The following GRM1 variants were observed in gnomAD, a reference collection of about 807,000 sequenced individuals.
GRM1 encodes metabotropic glutamate receptor 1.
GRM1 carries 33 observed loss-of-function variants against 90.9 expected under a neutral mutation model. The observed-to-expected ratio is 0.36, with a 90% CI of 0.28 to 0.49. GRM1 has a LOEUF of 0.49. Ranked by LOEUF, GRM1 falls within the 20% of genes least tolerant of loss-of-function variation. The probability of loss-of-function intolerance (pLI) is 0.99; values close to 1 mark genes in which losing one functional copy is unlikely to be tolerated. For synonymous variants in GRM1, 700 were observed against 613.2 expected, an observed-to-expected ratio of 1.14 and a Z score of -2.09; for missense variants, 1,190 against 1,534.3, an observed-to-expected ratio of 0.78 and a Z score of 3.75.
intron 2 of GRM1, among the ~76,000 whole-genome samples, chr6:146,223,240 G>C (rs759668169): frequency 5.9e-5 from 9 of 152,018 alleles, no homozygotes; most frequent in Non-Finnish European, 1.0e-4. Context: ...CTGCACCTTT[G>C]TACACACTTA....
intron 1 of GRM1, among the ~76,000 whole-genome samples, chr6:146,056,645 C>T (rs962366784): frequency 6.6e-6 from 1 of 152,056 alleles, no homozygotes; most frequent in Non-Finnish European, 1.5e-5. Flanking sequence ...GGATTTGTGC[C>T]AAGTGATATG....
chr6:146,165,959 C>T (rs1252848586), intron 2 of GRM1, among the ~76,000 whole-genome samples: 2 of 151,910 alleles, frequency 1.3e-5, no homozygotes, highest in Non-Finnish European at 2.9e-5. Flanking sequence ...TGAAAGATTC[C>T]ACTTTCATGG....
chr6:146,426,204 G>A (rs991404764), intron 7 of GRM1, among the ~76,000 whole-genome samples: 3 of 152,058 alleles, frequency 2.0e-5, no homozygotes, highest in Non-Finnish European at 2.9e-5. Flanking sequence ...GGAGTAGAGG[G>A]TGGGAAGAAT....
chr6:146,112,716 A>C (rs1342551276), intron 1 of GRM1, among the ~76,000 whole-genome samples: 1 of 152,154 alleles, frequency 6.6e-6, no homozygotes, highest in Admixed American at 6.6e-5. Flanking sequence ...ACTGATTTTT[A>C]AATTGTCTGC....
chr6:146,140,782 A>G (rs1776849385), intron 1 of GRM1, among the ~76,000 whole-genome samples: 1 of 152,112 alleles, frequency 6.6e-6, no homozygotes, highest in Non-Finnish European at 1.5e-5. Context: ...AGAAGTTTAA[A>G]ACCTTTTTGA....
intron 7 of GRM1, among the ~76,000 whole-genome samples, chr6:146,422,852 T>C (rs1778048622): frequency 6.6e-6 from 1 of 151,818 alleles, no homozygotes; most frequent in South Asian, 2.1e-4. Flanking sequence ...TGGGTAAAGT[T>C]ACGCAGAATC....
intron 1 of GRM1, among the ~76,000 whole-genome samples, chr6:146,120,216 G>T (rs1214988019): frequency 6.6e-5 from 10 of 152,146 alleles, no homozygotes; most frequent in African/African-American, 2.2e-4. Context: ...GTGAATGGGA[G>T]TTCACTCATG....
At chr6:146,189,458 C>T (rs971715172) in intron 2 of GRM1, among the ~76,000 whole-genome samples, 2 of 152,204 alleles carry the variant, frequency 1.3e-5, no homozygotes, top group Admixed American at 6.5e-5. Flanking sequence ...TTCTTCGACT[C>T]TCTTGCCTCT....
intron 5 of GRM1, among the ~76,000 whole-genome samples, chr6:146,381,216 A>G (rs1362013139): frequency 1.3e-5 from 2 of 152,168 alleles, no homozygotes; most frequent in East Asian, 1.9e-4. Context: ...TCCAATCCTT[A>G]TGATCTAGAC....
chr6:146,210,696 A>G (rs1779659223), intron 2 of GRM1, among the ~76,000 whole-genome samples: 1 of 152,178 alleles, frequency 6.6e-6, no homozygotes, highest in Admixed American at 6.5e-5. Flanking sequence ...GAGTCCGCCT[A>G]CTACCCCAAT....
rs531157681 is a variant in GRM1 at position 146,434,166 on chromosome 6, G to A, written c.2955G>A (p.Ala985=). The part of the protein sequence containing the change: ...SMVVHRRVPS[A]ATTPPLPSHL... ...TGGTGCACAGGCGCGTGCCAAGCGC[G>A]GCGACCACTCCGCCTCTGCCGTCCC... is the stretch of plus-strand genomic sequence containing the variant. The change falls in exon 8 of 8, where the codon GCG becomes GCA. Residue 985 remains alanine (A), a synonymous_variant. Coordinates refer to ENST00000282753, the MANE Select transcript of GRM1 (RefSeq NM_001278064.2). The A allele has an allele frequency of 1.2e-6, 2 of 1,613,566 alleles. No individual in the cohort carries two copies. Among genetic ancestry groups the A allele is most frequent in the African/African-American group, 2.7e-5 (2 of 74,922 alleles).
At chr6:146,129,017 T>C (rs763601722) in intron 1 of GRM1, among the ~76,000 whole-genome samples, 32 of 152,202 alleles carry the variant, frequency 2.1e-4, no homozygotes, top group Non-Finnish European at 4.0e-4. Context: ...GAATAAATAA[T>C]GATTTCGGTC....
At chr6:146,173,811 C>T (rs572176088) in intron 2 of GRM1, among the ~76,000 whole-genome samples, 16 of 151,930 alleles carry the variant, frequency 1.1e-4, no homozygotes, top group Non-Finnish European at 2.2e-4. Flanking sequence ...GGATTACAGG[C>T]ACCCGCCACC....
At chr6:146,153,463 G>A (rs1777411870) in intron 1 of GRM1, among the ~76,000 whole-genome samples, 1 of 152,120 alleles carries the variant, frequency 6.6e-6, no homozygotes, top group Non-Finnish European at 1.5e-5. Flanking sequence ...TGCACTCATG[G>A]GAATTTATAT....
chr6:146,141,690 C>T (rs539130932), intron 1 of GRM1, among the ~76,000 whole-genome samples: 57 of 152,200 alleles, frequency 3.7e-4, no homozygotes, highest in African/African-American at 1.3e-3. Context: ...CATTCTTTGG[C>T]ATGTCAATTG....
intron 3 of GRM1, among the ~76,000 whole-genome samples, chr6:146,344,266 A>C (rs937461496): frequency 6.6e-6 from 1 of 152,182 alleles, no homozygotes; most frequent in East Asian, 1.9e-4. Context: ...CGCATACCCC[A>C]TGAGAGACAA....
intron 1 of GRM1, among the ~76,000 whole-genome samples, chr6:146,069,407 T>A (rs1457628335): frequency 1.3e-5 from 2 of 152,208 alleles, no homozygotes; most frequent in Non-Finnish European, 2.9e-5. Flanking sequence ...TTAAATATTT[T>A]AAAAACTTAT....
At chr6:146,261,457 G>A (rs1245238495) in intron 2 of GRM1, among the ~76,000 whole-genome samples, 2 of 152,062 alleles carry the variant, frequency 1.3e-5, no homozygotes, top group Admixed American at 6.6e-5. Context: ...AGATGTTGTG[G>A]TTCTCAATTT....
chr6:146,119,285 GTTGT>G (rs1435230872), intron 1 of GRM1, among the ~76,000 whole-genome samples: 1 of 152,112 alleles, frequency 6.6e-6, no homozygotes, highest in African/African-American at 2.4e-5. Context: ...TTTTGATGGG[GTTGT>G]TTGTTTTTTT....
Sources: allele counts gnomAD v4.1 joint callset (sites outside exome capture counted in the v4.1 genomes callset), GRCh38; gene constraint gnomAD v4.1.1; transcripts MANE v1.5; gene names NCBI Gene and HGNC (gene_info 2026-07-23, HGNC 2026-07-21).